Variants in CD36 observed in about 807,000 individuals in gnomAD.
The protein encoded by CD36 is CD36 molecule (CD36 blood group), also known as platelet glycoprotein 4.
Under a neutral mutation model 55.2 loss-of-function variants are expected in CD36, and 119 were observed. That is an observed-to-expected ratio of 2.15 (90% CI 1.86 to 2.51). The LOEUF is 2.51. CD36 is among the 30% of genes most tolerant of loss of function. CD36 has a pLI of 0.00. For synonymous variants in CD36, 186 were observed against 193.6 expected (o/e 0.96, Z 0.33); for missense variants, 819 against 555.5 (o/e 1.47, Z -4.77).
intron 8 of CD36, 38 bp from the exon 9 acceptor site, chr7:80,669,915 C>T (rs748312223): frequency 1.4e-6 from 2 of 1,429,000 alleles, no homozygotes; most frequent in Non-Finnish European, 9.9e-7. Context: ...CTAGAACACA[C>T]ATTACATCTA....
At chr7:80,614,550 T>C (rs1793040075) in intron 1 of CD36, among the ~76,000 whole-genome samples, 1 of 152,192 alleles carries the variant, frequency 6.6e-6, no homozygotes, top group Admixed American at 6.6e-5. Flanking sequence ...CTCTTGTACA[T>C]TAGTCTGTGA....
intron 11 of CD36, among the ~76,000 whole-genome samples, chr7:80,672,319 T>C (rs893339258): frequency 6.6e-6 from 1 of 151,872 alleles, no homozygotes; most frequent in African/African-American, 2.4e-5. Context: ...ATACTTATTG[T>C]CAAAATCTAT....
At chr7:80,656,351 G>T (rs548077731) in intron 3 of CD36, among the ~76,000 whole-genome samples, 189 bp from the exon 4 acceptor site, 1 of 152,248 alleles carries the variant, frequency 6.6e-6, no homozygotes, top group Non-Finnish European at 1.5e-5. Context: ...AGGCTAAAAA[G>T]ACTGCTGTAA....
intron 8 of CD36, among the ~76,000 whole-genome samples, chr7:80,667,761 T>TGTTTTTTG (rs1442960675): frequency 5.0e-5 from 7 of 139,958 alleles, no homozygotes; most frequent in Non-Finnish European, 1.1e-4. Flanking sequence ...TTTTTTTTTT[T>TGTTTTTTG]TTTTTTTGAG....
chr7:80,651,841 T>G (rs557632043), intron 3 of CD36, among the ~76,000 whole-genome samples: 14 of 152,254 alleles, frequency 9.2e-5, no homozygotes, highest in Admixed American at 6.5e-4. Flanking sequence ...CCCAGGAGGT[T>G]GAGGCTGCAG....
intron 1 of CD36, among the ~76,000 whole-genome samples, chr7:80,607,798 G>C (rs1454682494): frequency 3.3e-5 from 5 of 152,046 alleles, no homozygotes; most frequent in African/African-American, 1.2e-4. Context: ...TTGAGACTGA[G>C]TCTCACTCTG....
chr7:80,649,746 T>A (rs1418524325), intron 3 of CD36, among the ~76,000 whole-genome samples: 1 of 152,020 alleles, frequency 6.6e-6, no homozygotes, highest in Non-Finnish European at 1.5e-5. Context: ...AGATTTACTT[T>A]TAGAGAGTTT....
At chr7:80,661,756 T>A (rs2116669235) in intron 5 of CD36, among the ~76,000 whole-genome samples, 1 of 152,280 alleles carries the variant, frequency 6.6e-6, no homozygotes, top group East Asian at 1.9e-4. Flanking sequence ...AAAGAGTATA[T>A]AAACTTGATG....
intron 1 of CD36, among the ~76,000 whole-genome samples, chr7:80,609,474 T>A (rs1345531312): frequency 6.6e-6 from 1 of 152,022 alleles, no homozygotes; most frequent in African/African-American, 2.4e-5. Flanking sequence ...AGTGTAGATG[T>A]CACGGCCTAT....
chr7:80,612,953 G>C (rs1366509607), intron 1 of CD36, among the ~76,000 whole-genome samples: 2 of 152,184 alleles, frequency 1.3e-5, no homozygotes, highest in East Asian at 3.9e-4. Context: ...GTCTGTGATT[G>C]AATAATATTC....
intron 8 of CD36, among the ~76,000 whole-genome samples, chr7:80,667,493 G>T (rs1353181298): frequency 6.7e-6 from 1 of 150,278 alleles, no homozygotes; most frequent in Non-Finnish European, 1.5e-5. Context: ...ATATCCAGAG[G>T]CAAGCTTTCA....
intron 3 of CD36, 58 bp from the exon 4 acceptor site, chr7:80,656,482 C>G: frequency 6.6e-7 from 1 of 1,515,190 alleles, no homozygotes; most frequent in Non-Finnish European, 9.1e-7. Flanking sequence ...AAACAATCTT[C>G]CAGAAGTGCC....
chr7:80,649,920 T>A (rs1795469202), intron 3 of CD36, among the ~76,000 whole-genome samples: 1 of 151,950 alleles, frequency 6.6e-6, no homozygotes, highest in Non-Finnish European at 1.5e-5. Flanking sequence ...AAAGAAAGCA[T>A]AAAATGTTCT....
chr7:80,642,221 T>C (rs1157344691), intron 1 of CD36, among the ~76,000 whole-genome samples: 1 of 152,152 alleles, frequency 6.6e-6, no homozygotes, highest in Non-Finnish European at 1.5e-5. Context: ...TTATTACCGA[T>C]ACAGTATCAA....
intron 1 of CD36, among the ~76,000 whole-genome samples, chr7:80,640,923 C>A (rs1172856944): frequency 6.6e-6 from 1 of 151,982 alleles, no homozygotes; most frequent in Admixed American, 6.6e-5. Flanking sequence ...TCCTATTTTA[C>A]ATTTTTACCA....
At chr7:80,635,416 AGGCATGCAC>A (rs928354880), upstream of CD36, among the ~76,000 whole-genome samples, 1 of 152,056 alleles carries the variant, frequency 6.6e-6, no homozygotes, top group Non-Finnish European at 1.5e-5. Context: ...TTGGGATTAC[AGGCATGCAC>A]CACCACACCT....
Position 80,663,044 on chromosome 7 carries a change from A to G in CD36, c.484A>G (p.Ile162Val). The change falls in exon 6 of 15, where the codon ATT (isoleucine) becomes GTT (valine). Residue 162 changes from isoleucine (I) to valine (V), a missense_variant. Coordinates refer to ENST00000447544, the MANE Select transcript of CD36 (RefSeq NM_001001548.3). ...TGTTCAAATGATCCTCAATTCACTT[A>G]TTAACAAGTCAAAATCTTCTATGTT... ...QFVQMILNSL[I>V]NKSKSSMFQV... is the part of the protein sequence containing the mutation. The G allele has an allele frequency of 1.2e-6, 2 of 1,613,472 alleles. No homozygotes were observed.
At chr7:80,664,591 C>T in intron 7 of CD36, 94 bp downstream of exon 7, 1 of 783,192 alleles carries the variant, frequency 1.3e-6, no homozygotes. Flanking sequence ...TAGGCATCAA[C>T]CTATAGAACA....
In CD36 at chr7:80,671,938, T is replaced by C. The variant is rs762817796; in HGVS notation, c.1023T>C (p.Ile341=). 6.2e-7 allele frequency: 1 copy of C among 1,611,618 alleles called. No homozygotes were observed. Among genetic ancestry groups the C allele is most frequent in the Non-Finnish European group, 8.5e-7 (1 of 1,178,316 alleles). The stretch of plus-strand genomic sequence containing the variant: ...TGTCTTCAGGGAGACCTGTGTACAT[T>C]TCACTTCCTCATTTTCTGTATGCAA... The part of the protein sequence containing the change: ...SKCKEGRPVY[I]SLPHFLYASP... The change falls in exon 11 of 15, where the codon ATT becomes ATC. Residue 341 remains isoleucine, a synonymous_variant. Transcript: ENST00000447544.
Sources: gnomAD v4.1 joint callset for allele counts (sites outside exome capture counted in the v4.1 genomes callset) on GRCh38, gnomAD v4.1.1 for gene constraint, MANE v1.5 for transcripts, NCBI Gene and HGNC (gene_info 2026-07-23, HGNC 2026-07-21) for gene names.